XKR6: variants seen among roughly 807,000 people sequenced by gnomAD.
The protein encoded by XKR6 is XK related 6.
A neutral mutation model predicts 56.7 loss-of-function variants in XKR6; 22 were observed. That is an observed-to-expected ratio of 0.39 (90% confidence interval 0.28 to 0.55). The LOEUF is 0.55. XKR6 is among the 20% of genes least tolerant of loss of function. XKR6 has a pLI of 0.66. For missense variants in XKR6, 852 were observed against 889.0 expected (o/e 0.96, Z 0.53); for synonymous variants, 524 against 387.8 (o/e 1.35, Z -4.13).
Position 10,897,978 on chromosome 8 carries a change from A to C in XKR6, c.1900T>G (p.Leu634Val), listed in dbSNP as rs1293372387. Residue 634 changes from leucine (L) to valine (V), a missense_variant, in exon 3 of 3, where the codon TTG becomes GTG. This residue lies in a region of XKR6 where 39 missense variants were observed against 62.5 expected (regional missense o/e 0.62). Transcript: ENST00000416569. ...RYRDGPLLYELLQYESSL is the reference protein window; with the variant it reads ...RYRDGPLLYEVLQYESSL ...TAGAGTGAAGACTCATACTGTAGCA[A>C]CTCATAGAGGAGTGGTCCGTCTCGA... 1 of 1,596,918 alleles carries C rather than the reference A, an allele frequency of 6.3e-7. No individual in the cohort carries two copies. The highest frequency in any genetic ancestry group is 1.1e-5 in the South Asian group (1 of 88,598).
At chr8:11,189,235 C>A (rs948028074) in intron 1 of XKR6, among the ~76,000 whole-genome samples, 3 of 152,178 alleles carry the variant, frequency 2.0e-5, no homozygotes, top group Admixed American at 2.0e-4. Flanking sequence ...ATTGAAATAT[C>A]AATTTCCAAG....
chr8:11,085,058 C>A (rs139678663), intron 1 of XKR6, among the ~76,000 whole-genome samples: 2 of 152,282 alleles, frequency 1.3e-5, no homozygotes, highest in Non-Finnish European at 2.9e-5. Flanking sequence ...CCTTTGCCAG[C>A]CTTCCTTCGT....
chr8:11,016,624 CG>C (rs1311089523), intron 1 of XKR6, among the ~76,000 whole-genome samples: 2 of 152,178 alleles, frequency 1.3e-5, no homozygotes, highest in Non-Finnish European at 2.9e-5. Context: ...CGGTAGGGGG[CG>C]TTCCAAGGCC....
chr8:11,017,007 A>T (rs1353811475), intron 1 of XKR6, among the ~76,000 whole-genome samples: 1 of 152,252 alleles, frequency 6.6e-6, no homozygotes, highest in Non-Finnish European at 1.5e-5. Context: ...AAGATGAAAG[A>T]TGTAGATGGT....
intron 1 of XKR6, among the ~76,000 whole-genome samples, chr8:11,176,940 T>A (rs1271921131): frequency 6.6e-6 from 1 of 152,092 alleles, no homozygotes; most frequent in Non-Finnish European, 1.5e-5. Flanking sequence ...TGGCCAATGC[T>A]AAGAGAAGGT....
chr8:11,098,478 G>C (rs894478802), intron 1 of XKR6, among the ~76,000 whole-genome samples: 2 of 152,140 alleles, frequency 1.3e-5, no homozygotes, highest in African/African-American at 4.8e-5. Flanking sequence ...GGAATACGAG[G>C]TGTCAGAAAG....
intron 1 of XKR6, among the ~76,000 whole-genome samples, chr8:11,009,528 A>G (rs369719987): frequency 6.6e-6 from 1 of 152,202 alleles, no homozygotes; most frequent in East Asian, 1.9e-4. Context: ...GCAAAACACA[A>G]CCAAAAAATA....
At chr8:10,957,424 G>T (rs1251954953) in intron 1 of XKR6, among the ~76,000 whole-genome samples, 3 of 152,114 alleles carry the variant, frequency 2.0e-5, no homozygotes, top group African/African-American at 7.2e-5. Flanking sequence ...TCTACTCCCT[G>T]GGGTCCACAG....
intron 1 of XKR6, among the ~76,000 whole-genome samples, chr8:11,191,605 G>C (rs1382325181): frequency 6.6e-6 from 1 of 150,426 alleles, no homozygotes; most frequent in Non-Finnish European, 1.5e-5. Flanking sequence ...TAGAAATACA[G>C]AGTGCAAACG....
At chr8:10,955,922 G>A (rs1403465697) in intron 1 of XKR6, among the ~76,000 whole-genome samples, 1 of 152,224 alleles carries the variant, frequency 6.6e-6, no homozygotes, top group African/African-American at 2.4e-5. Flanking sequence ...GCCATGGGGC[G>A]ATTCCTTGTT....
chr8:11,165,747 C>A (rs745574979), intron 1 of XKR6, among the ~76,000 whole-genome samples: 5 of 152,068 alleles, frequency 3.3e-5, no homozygotes, highest in Admixed American at 6.5e-5. Flanking sequence ...CAGAAAGACA[C>A]CATACATTCT....
intron 2 of XKR6, among the ~76,000 whole-genome samples, chr8:10,904,467 T>A (rs1800129161): frequency 6.6e-6 from 1 of 152,050 alleles, no homozygotes; most frequent in African/African-American, 2.4e-5. Context: ...TTCCCAGGGG[T>A]CATAGCCAGT....
At chr8:11,028,100 C>G (rs1161734126) in intron 1 of XKR6, among the ~76,000 whole-genome samples, 1 of 151,864 alleles carries the variant, frequency 6.6e-6, no homozygotes, top group Admixed American at 6.6e-5. Flanking sequence ...CCCTAAAAAC[C>G]CCCTGTGCTT....
chr8:11,167,730 G>A (rs1051664300), intron 1 of XKR6, among the ~76,000 whole-genome samples: 1 of 152,078 alleles, frequency 6.6e-6, no homozygotes, highest in Admixed American at 6.5e-5. Context: ...TATTGAAGGA[G>A]GGCCCCAGCA....
At chr8:10,910,791 C>T (rs544225295) in intron 2 of XKR6, among the ~76,000 whole-genome samples, 18 of 152,324 alleles carry the variant, frequency 1.2e-4, no homozygotes, top group African/African-American at 4.3e-4. Context: ...CTCAAAATAC[C>T]AGCTTCACAG....
At chr8:10,978,609 G>A (rs1280561512) in intron 1 of XKR6, among the ~76,000 whole-genome samples, 1 of 152,212 alleles carries the variant, frequency 6.6e-6, no homozygotes, top group Non-Finnish European at 1.5e-5. Context: ...AGGTAGTTAA[G>A]CCAGATGCAG....
chr8:11,149,918 C>T (rs56387861), intron 1 of XKR6, among the ~76,000 whole-genome samples: 4,733 of 152,268 alleles, frequency 0.031, 241 homozygotes, highest in African/African-American at 0.11. Context: ...AATAAAATCA[C>T]GCCGTTTGCA....
rs138333616 is a variant in XKR6, at chr8:11,003,543, T to A, written c.765-78713A>T. ...TACCAGACTGATACTAATACTATTATACCTAATCTGTGTAAGTACTGGGGA... is the reference window on the plus strand; with the variant it reads ...TACCAGACTGATACTAATACTATTAAACCTAATCTGTGTAAGTACTGGGGA... On this transcript the variant is annotated intron_variant, in intron 1 of 2. Coordinates refer to ENST00000416569, the MANE Select transcript of XKR6 (RefSeq NM_173683.4). Among the ~76,000 whole-genome samples the A allele has an allele frequency of 2.5e-4, 38 of 152,358 alleles. No homozygotes were observed. The East Asian group carries it at 7.1e-3, about 29-fold the overall frequency.
intron 1 of XKR6, chr8:11,109,146 T>A (rs1332281792): frequency 1.3e-5 from 2 of 152,162 alleles, no homozygotes; most frequent in Non-Finnish European, 2.9e-5. Context: ...GAGGCCAACA[T>A]AAAATCTGAA....
Sources: gnomAD v4.1 joint callset for allele counts (sites outside exome capture counted in the v4.1 genomes callset) on GRCh38, gnomAD v4.1.1 for gene constraint, gnomAD v4.1.1 regional missense constraint, MANE v1.5 for transcripts, NCBI Gene and HGNC (gene_info 2026-07-23, HGNC 2026-07-21) for gene names.